The following BLTP3A variants were observed in gnomAD, a reference collection of about 807,000 sequenced individuals.
The protein encoded by BLTP3A is ICBP90 binding protein 1.
chr6:34,807,109 T>A, the BLTP3A span, among the ~76,000 whole-genome samples: 1 of 152,028 alleles, frequency 6.6e-6, no homozygotes. Context: ...ATATTTAGAG[T>A]TTATCAATTA....
At chr6:34,816,093 A>G in the BLTP3A span, among the ~76,000 whole-genome samples, 1 of 152,338 alleles carries the variant, frequency 6.6e-6, no homozygotes, top group African/African-American at 2.4e-5. Flanking sequence ...TGAAAAATAC[A>G]TTTATCTATA....
chr6:34,797,879 TAGTA>T, the BLTP3A span, among the ~76,000 whole-genome samples: 1 of 152,214 alleles, frequency 6.6e-6, no homozygotes, highest in Admixed American at 6.5e-5. Flanking sequence ...AAGTTGTAAC[TAGTA>T]AGTGATAGAG....
chr6:34,793,193 T>G, the BLTP3A span, among the ~76,000 whole-genome samples: 1 of 152,162 alleles, frequency 6.6e-6, no homozygotes, highest in African/African-American at 2.4e-5. Context: ...TGTAGCCGAG[T>G]GACTGCTGAA....
chr6:34,867,952 G>C, the BLTP3A span, among the ~76,000 whole-genome samples: 1 of 152,152 alleles, frequency 6.6e-6, no homozygotes, highest in Non-Finnish European at 1.5e-5. Flanking sequence ...TCAGTCCTTT[G>C]ATGTGAATTT....
At chr6:34,821,220 T>C in the BLTP3A span, among the ~76,000 whole-genome samples, 1 of 152,174 alleles carries the variant, frequency 6.6e-6, no homozygotes, top group African/African-American at 2.4e-5. Flanking sequence ...CCTCCCGAAG[T>C]GCTGGGATTA....
chr6:34,831,395 T>C, the BLTP3A span, among the ~76,000 whole-genome samples: 45 of 152,358 alleles, frequency 3.0e-4, no homozygotes, highest in African/African-American at 1.0e-3. Flanking sequence ...CCCAAAGTGC[T>C]GGGATTACAG....
the BLTP3A span, chr6:34,864,007 C>T: frequency 1.9e-6 from 3 of 1,590,758 alleles, no homozygotes; most frequent in Non-Finnish European, 2.6e-6. Flanking sequence ...AACAGGGAGC[C>T]CATGGCCAAG....
At chr6:34,830,360 G>A in the BLTP3A span, among the ~76,000 whole-genome samples, 2 of 151,896 alleles carry the variant, frequency 1.3e-5, no homozygotes, top group Non-Finnish European at 2.9e-5. Flanking sequence ...AGGCCGAGGC[G>A]GGCAGATCAC....
At chr6:34,858,313 A>G in the BLTP3A span, 15 of 1,613,948 alleles carry the variant, frequency 9.3e-6, no homozygotes, top group Admixed American at 2.5e-4. Context: ...TCACTTTCCT[A>G]AGGTTCCAGG....
chr6:34,802,740 G>T, the BLTP3A span, among the ~76,000 whole-genome samples: 2 of 152,216 alleles, frequency 1.3e-5, no homozygotes, highest in African/African-American at 2.4e-5. Flanking sequence ...TTCTGGTGCA[G>T]TGGTGTTGGA....
At chr6:34,836,419 T>A in the BLTP3A span, 1 of 1,428,418 alleles carries the variant, frequency 7.0e-7, no homozygotes, top group Non-Finnish European at 9.7e-7. Flanking sequence ...AGCCTGGGGA[T>A]GAAGGCTCTT....
At chr6:34,873,707 A>G in the BLTP3A span, 1 of 152,244 alleles carries the variant, frequency 6.6e-6, no homozygotes, top group African/African-American at 2.4e-5. Flanking sequence ...ATGGTAAAAT[A>G]GTAACTTAGT....
chr6:34,845,558 A>G, the BLTP3A span, among the ~76,000 whole-genome samples: 1 of 152,024 alleles, frequency 6.6e-6, no homozygotes, highest in Non-Finnish European at 1.5e-5. Flanking sequence ...AGCTGGGACT[A>G]TAAGTGCACA....
At chr6:34,837,678 CA>C in the BLTP3A span, among the ~76,000 whole-genome samples, 6 of 147,794 alleles carry the variant, frequency 4.1e-5, no homozygotes, top group Admixed American at 1.4e-4. Flanking sequence ...GACCCTGTTT[CA>C]AAAAAAAAAT....
the BLTP3A span, among the ~76,000 whole-genome samples, chr6:34,850,232 T>G: frequency 6.6e-6 from 1 of 152,136 alleles, no homozygotes; most frequent in Non-Finnish European, 1.5e-5. Context: ...CTGCCAGACA[T>G]ATTGAAGCTC....
At chr6:34,810,867 G>C in the BLTP3A span, among the ~76,000 whole-genome samples, 1 of 152,064 alleles carries the variant, frequency 6.6e-6, no homozygotes, top group African/African-American at 2.4e-5. Context: ...CTTAAGTTTC[G>C]ATAAATTTCA....
the BLTP3A span, chr6:34,871,598 C>A: frequency 3.7e-6 from 6 of 1,613,038 alleles, no homozygotes; most frequent in Admixed American, 1.7e-5. Context: ...ATATCCCCCC[C>A]ATCTATCCAA....
chr6:34,816,873 C>G, the BLTP3A span, among the ~76,000 whole-genome samples: 1 of 152,180 alleles, frequency 6.6e-6, no homozygotes, highest in Non-Finnish European at 1.5e-5. Context: ...CTTTCTAAGA[C>G]TAGTAGTACT....
chr6:34,808,364 A>T, the BLTP3A span, among the ~76,000 whole-genome samples: 2 of 150,866 alleles, frequency 1.3e-5, no homozygotes, highest in Admixed American at 1.3e-4. Context: ...AAAAAAAAAA[A>T]AAAAAAGAAT....
Sources: gnomAD v4.1 joint callset for allele counts (sites outside exome capture counted in the v4.1 genomes callset) on GRCh38, gnomAD v4.1.1 for gene constraint, MANE v1.5 for transcripts, NCBI Gene and HGNC (gene_info 2026-07-23, HGNC 2026-07-21) for gene names.